The following GAB2 variants were observed in gnomAD, a reference collection of about 807,000 sequenced individuals.
The protein encoded by GAB2 is GRB2-associated-binding protein 2.
A neutral mutation model predicts 65.5 loss-of-function variants in GAB2; 26 were observed. The ratio of observed to expected loss-of-function variants is 0.40; its 90% CI spans 0.29 to 0.55. GAB2 has a LOEUF of 0.55. Among genes scored for constraint, GAB2 ranks in the 20% least tolerant of loss-of-function variants. The pLI, the probability that GAB2 is intolerant of heterozygous loss-of-function variation, is 0.53. For missense variants in GAB2, 884 were observed against 875.8 expected, an observed-to-expected ratio of 1.01 and a Z score of -0.12; for synonymous variants, 321 against 329.6, an observed-to-expected ratio of 0.97 and a Z score of 0.28.
At chr11:78,407,675 A>AAGAAAGAAAGAAAGAAAGAGATGGC (rs1565188252) in intron 1 of GAB2, among the ~76,000 whole-genome samples, 40 of 147,710 alleles carry the variant, frequency 2.7e-4, no homozygotes, top group Middle Eastern at 3.4e-3. Context: ...GAAAGAAAGA[A>AAGAAAGAAAGAAAGAAAGAGATGGC]AGAAAGAAAG....
In GAB2 at chr11:78,417,755, G is replaced by A; in HGVS notation, c.-35C>T. On this transcript the variant is annotated 5_prime_UTR_variant, in exon 1 of 10. Transcript: ENST00000361507. ...CTGGAGCCCCCCGCCGGGTCGCGCG[G>A]ACGAGGGCGCGGGCTCGGGCAGCTG... is the stretch of plus-strand genomic sequence containing the variant. 2 of 1,156,442 alleles carry A rather than the reference G, an allele frequency of 1.7e-6. No homozygotes were observed. The highest frequency in any genetic ancestry group is 5.3e-5 in the East Asian group (1 of 19,022). 71.6% of individuals were successfully genotyped at this position (1,156,442 alleles called of 1,614,324 possible). A position where few individuals can be genotyped will look rare whatever the true frequency, so the allele number is the denominator to read the frequency against.
At position 78,369,322 on chromosome 11, in the gene GAB2, A is replaced by C. The variant is rs73500991; in HGVS notation, c.75+48324T>G. Among the ~76,000 whole-genome samples, 389 of 152,284 alleles carry C rather than the reference A, an allele frequency of 2.6e-3. 4 individuals are homozygous for C. The highest frequency in any genetic ancestry group is 9.1e-3 in the African/African-American group (376 of 41,544). On this transcript the variant is annotated intron_variant, in intron 1 of 9. Coordinates refer to ENST00000361507, the MANE Select transcript of GAB2 (RefSeq NM_080491.3). ...CTGGGTTAGTTTACAGTGTATATAA[A>C]CTTAATGATCAATCAGTGCCTCTAC...
rs903263527 is a variant in GAB2 at position 78,401,508 on chromosome 11, G to C, written c.75+16138C>G. On this transcript the variant is annotated intron_variant, in intron 1 of 9. Coordinates refer to ENST00000361507, the MANE Select transcript of GAB2 (RefSeq NM_080491.3). The stretch of plus-strand genomic sequence containing the variant: ...CCTTTTAAGGCTGAACAGTATTCGT[G>C]TGTGTGTGTGTGTGTGTGTGTGTGT... Among the ~76,000 whole-genome samples, 304 of 119,682 alleles carry C rather than the reference G, an allele frequency of 2.5e-3. 8 individuals carry two copies. The highest frequency in any genetic ancestry group is 9.9e-3 in the African/African-American group (297 of 29,914). 78.5% of individuals were successfully genotyped at this position (119,682 alleles called of 152,430 possible).
intron 1 of GAB2, among the ~76,000 whole-genome samples, chr11:78,410,278 C>T (rs575919147): frequency 6.6e-6 from 1 of 152,272 alleles, no homozygotes; most frequent in South Asian, 2.1e-4. Context: ...CCAAAGCAGG[C>T]AGATCACTTA....
Position 78,348,908 on chromosome 11 carries a change from A to T in GAB2, c.76-68007T>A, listed in dbSNP as rs372317466. Among the ~76,000 whole-genome samples the T allele has an allele frequency of 7.9e-5, 12 of 152,376 alleles. No homozygotes were observed. The East Asian group carries it at 1.9e-3, about 24-fold the overall frequency. ...ATGCAACAACATGGACACATCCAGAAATCACTATGCTGAGTGAAATAAGCT... is the reference window on the plus strand; with the variant it reads ...ATGCAACAACATGGACACATCCAGATATCACTATGCTGAGTGAAATAAGCT... On this transcript the variant is annotated intron_variant, in intron 1 of 9. Transcript: ENST00000361507.
chr11:78,277,010 G>C (rs769416357), intron 2 of GAB2, among the ~76,000 whole-genome samples: 21 of 152,032 alleles, frequency 1.4e-4, no homozygotes, highest in Non-Finnish European at 2.6e-4. Context: ...GTAGAGATGG[G>C]GTTTCACCGT....
intron 2 of GAB2, among the ~76,000 whole-genome samples, chr11:78,258,214 C>G (rs1209365078): frequency 6.6e-6 from 1 of 152,152 alleles, no homozygotes; most frequent in African/African-American, 2.4e-5. Flanking sequence ...GTCATATTTA[C>G]AGAGATTCAG....
At chr11:78,224,994 G>C in intron 5 of GAB2, 114 bp downstream of exon 5, 1 of 675,938 alleles carries the variant, frequency 1.5e-6, no homozygotes, top group Non-Finnish European at 2.6e-6. Context: ...ACTTGGGCAG[G>C]GTCCTAAGAT....
chr11:78,277,501 A>G (rs75312029), intron 2 of GAB2, among the ~76,000 whole-genome samples: 4,753 of 152,336 alleles, frequency 0.031, 154 homozygotes, highest in East Asian at 0.088. Flanking sequence ...ACTGGTGATC[A>G]GCAGCTTTCT....
intron 1 of GAB2, among the ~76,000 whole-genome samples, chr11:78,319,373 A>G (rs868640162): frequency 2.6e-5 from 4 of 152,232 alleles, no homozygotes; most frequent in Non-Finnish European, 4.4e-5. Context: ...TTTGTGCCCA[A>G]TAATTCTCAT....
At chr11:78,271,709 G>A (rs1034677300) in intron 2 of GAB2, among the ~76,000 whole-genome samples, 1 of 152,180 alleles carries the variant, frequency 6.6e-6, no homozygotes, top group African/African-American at 2.4e-5. Flanking sequence ...TAAAAAAAAG[G>A]TAGTCAGGCA....
At chr11:78,242,140 T>C (rs757171071) in intron 3 of GAB2, among the ~76,000 whole-genome samples, 7 of 152,202 alleles carry the variant, frequency 4.6e-5, no homozygotes, top group Admixed American at 1.3e-4. Context: ...AATTTCAAAA[T>C]TGTACAAATA....
chr11:78,268,722 AG>A (rs1296215089), intron 2 of GAB2, among the ~76,000 whole-genome samples: 1 of 134,350 alleles, frequency 7.4e-6, no homozygotes, highest in African/African-American at 2.8e-5. Flanking sequence ...GGTGAGGGGG[AG>A]TGTCTGGTAT....
intron 2 of GAB2, among the ~76,000 whole-genome samples, chr11:78,273,259 C>T (rs1302294571): frequency 1.3e-5 from 2 of 152,184 alleles, no homozygotes; most frequent in Non-Finnish European, 2.9e-5. Flanking sequence ...GCACTGTGTG[C>T]CTGGAAAAGG....
intron 1 of GAB2, among the ~76,000 whole-genome samples, chr11:78,288,560 T>G (rs983378026): frequency 6.6e-6 from 1 of 152,074 alleles, no homozygotes; most frequent in Non-Finnish European, 1.5e-5. Context: ...TGCAGGCATA[T>G]AAAATAAAAA....
At chr11:78,400,760 C>T (rs763800085) in intron 1 of GAB2, among the ~76,000 whole-genome samples, 2 of 151,948 alleles carry the variant, frequency 1.3e-5, no homozygotes, top group African/African-American at 2.4e-5. Flanking sequence ...AAAAAATTAG[C>T]CAGGCATAGT....
chr11:78,398,775 G>A (rs1856934484), intron 1 of GAB2, among the ~76,000 whole-genome samples: 1 of 152,208 alleles, frequency 6.6e-6, no homozygotes, highest in South Asian at 2.1e-4. Context: ...AAGAAACCAG[G>A]ACTCTGAGGA....
intron 1 of GAB2, among the ~76,000 whole-genome samples, chr11:78,303,508 T>G (rs1331238403): frequency 6.6e-6 from 1 of 152,188 alleles, no homozygotes; most frequent in Non-Finnish European, 1.5e-5. Flanking sequence ...AGACTTCCTA[T>G]GTTTAAATAA....
At chr11:78,310,568 G>A (rs562487457) in intron 1 of GAB2, among the ~76,000 whole-genome samples, 11 of 151,800 alleles carry the variant, frequency 7.2e-5, no homozygotes, top group African/African-American at 9.7e-5. Context: ...ATCTGTAAGC[G>A]GGAACCAGGC....
Sources: allele counts gnomAD v4.1 joint callset (sites outside exome capture counted in the v4.1 genomes callset), GRCh38; gene constraint gnomAD v4.1.1; transcripts MANE v1.5; gene names NCBI Gene and HGNC (gene_info 2026-07-23, HGNC 2026-07-21).